The following RNF175 variants were observed in gnomAD, a reference collection of about 807,000 sequenced individuals.
The protein encoded by RNF175 is ring finger protein 175.
RNF175 carries 38 observed loss-of-function variants against 50.0 expected under a neutral mutation model. The ratio of observed to expected loss-of-function variants is 0.76; its 90% CI spans 0.59 to 1.00. The LOEUF (loss-of-function observed/expected upper bound fraction) is 1.00. Among genes scored for constraint, RNF175 ranks in the 50% least tolerant of loss-of-function variants. The probability of loss-of-function intolerance (pLI) is 0.00; values close to 1 mark genes in which losing one functional copy is unlikely to be tolerated. For missense variants in RNF175, 388 were observed against 409.6 expected, an observed-to-expected ratio of 0.95 and a Z score of 0.46; for synonymous variants, 155 against 146.1, an observed-to-expected ratio of 1.06 and a Z score of -0.44.
chr4:153,723,208 A>T (rs1738457955), intron 5 of RNF175, 143 bp downstream of exon 5: 1 of 479,140 alleles, frequency 2.1e-6, no homozygotes, highest in Non-Finnish European at 3.8e-6. Context: ...TTCCCCAGAG[A>T]AGACTACGTG....
intron 3 of RNF175, among the ~76,000 whole-genome samples, chr4:153,734,336 CA>C (rs1296337561): frequency 2.6e-5 from 4 of 152,312 alleles, no homozygotes; most frequent in South Asian, 4.1e-4. Flanking sequence ...TGCTACTCCA[CA>C]TTGTCATCAG....
At chr4:153,727,555 A>G (rs1401689411) in intron 4 of RNF175, 2 of 152,174 alleles carry the variant, frequency 1.3e-5, no homozygotes, top group Non-Finnish European at 2.9e-5. Flanking sequence ...TTTTATCACT[A>G]TTTTACATTT....
At chr4:153,717,534 A>AAC (rs61710163) in intron 6 of RNF175, among the ~76,000 whole-genome samples, 92,754 of 149,692 alleles carry the variant, frequency 0.62, 32,306 homozygotes, top group Non-Finnish European at 0.77. Flanking sequence ...TACACACACA[A>AAC]ACACACACAC....
chr4:153,759,767 T>C, intron 1 of RNF175, 30 bp downstream of exon 1: 1 of 1,424,842 alleles, frequency 7.0e-7, no homozygotes, highest in Non-Finnish European at 9.3e-7. Context: ...CGGCCTGGCG[T>C]CCCCCACGCC....
intron 3 of RNF175, among the ~76,000 whole-genome samples, chr4:153,735,811 G>A (rs1242362206): frequency 6.6e-6 from 1 of 152,038 alleles, no homozygotes; most frequent in Non-Finnish European, 1.5e-5. Flanking sequence ...TTCATTACTG[G>A]TAACAATTGA....
At chr4:153,718,230 G>GTTTTTTTTTTTTTTTT (rs1272804247) in intron 6 of RNF175, among the ~76,000 whole-genome samples, 12 of 31,844 alleles carry the variant, frequency 3.8e-4, no homozygotes, top group East Asian at 1.5e-3. Context: ...TTGTTTGTTT[G>GTTTTTTTTTTTTTTTT]TTTGTTTGTT....
At chr4:153,724,836 A>G in intron 4 of RNF175, among the ~76,000 whole-genome samples, 1 of 151,810 alleles carries the variant, frequency 6.6e-6, no homozygotes, top group Non-Finnish European at 1.5e-5. Context: ...CTGATATTCA[A>G]GGGCTGTCTG....
chr4:153,759,782 C>A lies in RNF175; in HGVS notation c.66+15G>T. 1.4e-6 allele frequency: 2 copies of A among 1,469,450 alleles called. No individual in the cohort carries two copies. Among genetic ancestry groups the A allele is most frequent in the Non-Finnish European group, 9.0e-7 (1 of 1,114,856 alleles). 91.0% of individuals were successfully genotyped at this position (1,469,450 alleles called of 1,614,324 possible). A position where few individuals can be genotyped will look rare whatever the true frequency, so the allele number is the denominator to read the frequency against. On this transcript the variant is annotated intron_variant, in intron 1 of 8. Coordinates refer to ENST00000347063, the MANE Select transcript of RNF175 (RefSeq NM_173662.4). ...CGGCCTGGCGTCCCCCACGCCCGCG[C>A]CCCCGCGCCAGTACCTGCTCCTGCT...
In RNF175 at chr4:153,753,839, G is replaced by A. The variant is rs562696193; in HGVS notation, c.67-2364C>T. On this transcript the variant is annotated intron_variant, in intron 1 of 8. Transcript: ENST00000347063. ...CTCTCAAAGTGCTGGGATTACAGGCGTGAGCCACTGTGCCTGGTGTCTTTT... is the reference window on the plus strand; with the variant it reads ...CTCTCAAAGTGCTGGGATTACAGGCATGAGCCACTGTGCCTGGTGTCTTTT... 1.5e-4 allele frequency among the ~76,000 whole-genome samples: 23 copies of A among 151,704 alleles called. 1 individual carries two copies. In the South Asian group the frequency reaches 4.2e-3, roughly 28 times the overall value.
Position 153,710,202 on chromosome 4 carries a change from T to C in RNF175, c.*167A>G, listed in dbSNP as rs571948475. ...AAACATGCTTTATTTGTTTATTCCA[T>C]TGTTCAGCTTCTCTTTAAATTCTTT... On this transcript the variant is annotated 3_prime_UTR_variant, in exon 9 of 9. Coordinates refer to ENST00000347063, the MANE Select transcript of RNF175 (RefSeq NM_173662.4). The C allele has an allele frequency of 7.5e-6, 4 of 530,936 alleles. No individual in the cohort carries two copies. In the South Asian group the frequency reaches 1.3e-4, roughly 17 times the overall value. 32.9% of individuals were successfully genotyped at this position (530,936 alleles called of 1,614,324 possible).
rs1400932542 is a variant in RNF175, at chr4:153,755,521, A to C, written c.67-4046T>G. On this transcript the variant is annotated intron_variant, in intron 1 of 8. Transcript: ENST00000347063. ...TAGAAATTAAAAACAGGAAGACAGA[A>C]ATAAAAACTCAAATGAAGAATCGAA... is the stretch of plus-strand genomic sequence containing the variant. Among the ~76,000 whole-genome samples, 3 of 152,206 alleles carry C rather than the reference A, an allele frequency of 2.0e-5. No individual in the cohort carries two copies. In the East Asian group the frequency reaches 5.8e-4, roughly 29 times the overall value.
intron 3 of RNF175, among the ~76,000 whole-genome samples, chr4:153,742,958 A>G (rs556999562): frequency 1.3e-5 from 2 of 152,226 alleles, no homozygotes; most frequent in African/African-American, 2.4e-5. Flanking sequence ...TCTTATAAAC[A>G]TGTTCAAAGC....
intron 6 of RNF175, among the ~76,000 whole-genome samples, chr4:153,719,325 C>T (rs773733571): frequency 3.9e-5 from 6 of 152,136 alleles, no homozygotes; most frequent in Non-Finnish European, 5.9e-5. Flanking sequence ...ATGGTGTATA[C>T]GTACCACACT....
chr4:153,724,889 G>C (rs1348923279), intron 4 of RNF175, among the ~76,000 whole-genome samples: 1 of 151,272 alleles, frequency 6.6e-6, no homozygotes, highest in Non-Finnish European at 1.5e-5. Flanking sequence ...CCCCAGGGGG[G>C]AGTAGGCAGG....
Position 153,710,374 on chromosome 4 carries a change from C to A in RNF175, c.982G>T (p.Glu328Ter), listed in dbSNP as rs183382030. ...TGCTTCTGGGGTCTGCTGTCCTATT[C>A]CAGCCCTAGTGAATAGATAATGCCT... The part of the protein sequence containing the change: ...VQGIIYSLGL[E>*] The change falls in exon 9 of 9, where the codon GAA becomes TAA. Residue 328 changes from glutamate (E) to a stop codon, truncating the protein, a stop_gained. Transcript: ENST00000347063. LOFTEE classifies it high-confidence loss of function. 440 of 1,553,896 alleles carry A rather than the reference C, an allele frequency of 2.8e-4. No individual in the cohort carries two copies. The highest frequency in any genetic ancestry group is 3.4e-4 in the Non-Finnish European group (389 of 1,147,406).
intron 3 of RNF175, among the ~76,000 whole-genome samples, chr4:153,737,668 T>C (rs1490552803): frequency 6.6e-6 from 1 of 152,230 alleles, no homozygotes; most frequent in Non-Finnish European, 1.5e-5. Flanking sequence ...AGAGCATAGA[T>C]TGTATAATTT....
intron 6 of RNF175, among the ~76,000 whole-genome samples, chr4:153,716,615 A>G (rs1737947672): frequency 6.6e-6 from 1 of 152,208 alleles, no homozygotes; most frequent in Non-Finnish European, 1.5e-5. Flanking sequence ...AAAGATACAA[A>G]AATATTACAG....
chr4:153,722,101 G>A (rs1361767887), intron 5 of RNF175, among the ~76,000 whole-genome samples: 1 of 152,194 alleles, frequency 6.6e-6, no homozygotes, highest in African/African-American at 2.4e-5. Flanking sequence ...TATGGTCCCA[G>A]AAGTTTAGAG....
intron 1 of RNF175, among the ~76,000 whole-genome samples, chr4:153,754,445 G>A (rs1740464028): frequency 6.6e-6 from 1 of 152,182 alleles, no homozygotes; most frequent in Non-Finnish European, 1.5e-5. Context: ...TCTGAAAAGT[G>A]AGATGTGTGG....
Sources: allele counts gnomAD v4.1 joint callset (sites outside exome capture counted in the v4.1 genomes callset), GRCh38; gene constraint gnomAD v4.1.1; transcripts MANE v1.5; gene names NCBI Gene and HGNC (gene_info 2026-07-23, HGNC 2026-07-21).